SNX7: variants seen among roughly 807,000 people sequenced by gnomAD.
The protein encoded by SNX7 is sorting nexin-7.
Under a neutral mutation model 48.4 loss-of-function variants are expected in SNX7, and 35 were observed. The ratio of observed to expected loss-of-function variants is 0.72; its 90% CI spans 0.55 to 0.96. The LOEUF (loss-of-function observed/expected upper bound fraction) is 0.96, where lower values mean the gene tolerates loss of function less well. Among genes scored for constraint, SNX7 ranks in the 40% least tolerant of loss-of-function variants. SNX7 has a pLI of 0.00. For missense variants in SNX7, 553 were observed against 548.9 expected, an observed-to-expected ratio of 1.01 and a Z score of -0.07; for synonymous variants, 190 against 190.2, an observed-to-expected ratio of 1.00 and a Z score of 0.01.
intron 4 of SNX7, among the ~76,000 whole-genome samples, chr1:98,692,179 C>T (rs1651177183): frequency 6.6e-6 from 1 of 152,022 alleles, no homozygotes; most frequent in African/African-American, 2.4e-5. Flanking sequence ...TTAACTGTAA[C>T]ATAAACAGTT....
chr1:98,746,842 G>A lies in SNX7; in HGVS notation c.1278+8453G>A, dbSNP rs558987163. 3.9e-5 allele frequency among the ~76,000 whole-genome samples: 6 copies of A among 151,954 alleles called. No individual in the cohort carries two copies. The East Asian group carries it at 5.8e-4, about 15-fold the overall frequency. ...TGATAAGGTCCTGCTTTCACATTCC[G>A]GGAGGTAAATCTAAAATCTAACTAG... On this transcript the variant is annotated intron_variant, in intron 8 of 8. Coordinates refer to ENST00000306121, the MANE Select transcript of SNX7 (RefSeq NM_015976.5).
chr1:98,711,214 G>C (rs761325528), intron 7 of SNX7, among the ~76,000 whole-genome samples: 1 of 151,890 alleles, frequency 6.6e-6, no homozygotes, highest in Admixed American at 6.6e-5. Flanking sequence ...ACAGGGTTTC[G>C]CCATGTTGGC....
At chr1:98,755,307 C>T (rs955826660) in intron 8 of SNX7, among the ~76,000 whole-genome samples, 9 of 151,806 alleles carry the variant, frequency 5.9e-5, no homozygotes, top group South Asian at 2.1e-4. Context: ...GTTAGGCAAA[C>T]TTGATTGATA....
At chr1:98,691,416 T>C in intron 3 of SNX7, 119 bp from the exon 4 acceptor site, 2 of 922,994 alleles carry the variant, frequency 2.2e-6, no homozygotes, top group Non-Finnish European at 3.0e-6. Flanking sequence ...TTTTTAAAAA[T>C]TATTTTTATA....
At chr1:98,753,009 A>T (rs963873838) in intron 8 of SNX7, among the ~76,000 whole-genome samples, 1 of 152,010 alleles carries the variant, frequency 6.6e-6, no homozygotes, top group African/African-American at 2.4e-5. Context: ...CCATTTGTTA[A>T]TGGATAAATA....
chr1:98,686,626 A>G (rs1650815081), intron 2 of SNX7, among the ~76,000 whole-genome samples: 1 of 152,148 alleles, frequency 6.6e-6, no homozygotes, highest in Non-Finnish European at 1.5e-5. Flanking sequence ...CTATATCAAG[A>G]TGTGGTAGAG....
chr1:98,693,356 A>G (rs1405336071), intron 4 of SNX7, among the ~76,000 whole-genome samples: 6 of 152,232 alleles, frequency 3.9e-5, no homozygotes, highest in Admixed American at 3.9e-4. Context: ...AGACAGGACA[A>G]AGGGTCAATA....
At chr1:98,707,763 T>A (rs1267588877) in intron 7 of SNX7, among the ~76,000 whole-genome samples, 10 of 152,192 alleles carry the variant, frequency 6.6e-5, no homozygotes, top group Admixed American at 4.6e-4. Context: ...TATATTTATG[T>A]GAGCAAAGAA....
At chr1:98,695,417 A>G in intron 4 of SNX7, 101 bp from the exon 5 acceptor site, 12 of 1,158,746 alleles carry the variant, frequency 1.0e-5, no homozygotes, top group Non-Finnish European at 1.5e-5. Context: ...CTATGAAACC[A>G]TTTTATCTTG....
At chr1:98,731,412 G>C (rs1291407459) in intron 7 of SNX7, among the ~76,000 whole-genome samples, 4 of 152,022 alleles carry the variant, frequency 2.6e-5, no homozygotes, top group Non-Finnish European at 2.9e-5. Context: ...AGTTTTCTTG[G>C]TGAGCATGAG....
rs565668009 is a variant in SNX7, at chr1:98,746,442, T to C, written c.1278+8053T>C. On this transcript the variant is annotated intron_variant, in intron 8 of 8. Transcript: ENST00000306121. ...AATGCATCTTAGCCTGTTTTAAGTT[T>C]CTAAGAAATTCTTAGGAAAGAAACC... 2.6e-5 allele frequency among the ~76,000 whole-genome samples: 4 copies of C among 152,200 alleles called. No homozygotes were observed. The East Asian group carries it at 7.7e-4, about 29-fold the overall frequency.
chr1:98,688,306 C>T (rs1276935716), intron 2 of SNX7, among the ~76,000 whole-genome samples: 1 of 152,100 alleles, frequency 6.6e-6, no homozygotes, highest in Non-Finnish European at 1.5e-5. Context: ...ACATTTGTGG[C>T]ATCTGTTCTT....
chr1:98,699,084 G>A (rs546631948), intron 6 of SNX7, among the ~76,000 whole-genome samples, 179 bp downstream of exon 6: 24 of 152,224 alleles, frequency 1.6e-4, no homozygotes, highest in South Asian at 8.3e-4. Context: ...GAAAGAATCC[G>A]TTGTTAAAAA....
At chr1:98,711,249 C>T (rs1652289453) in intron 7 of SNX7, among the ~76,000 whole-genome samples, 1 of 152,104 alleles carries the variant, frequency 6.6e-6, no homozygotes, top group Non-Finnish European at 1.5e-5. Flanking sequence ...AACTCCTGAC[C>T]TCAAGTGATC....
In SNX7 at chr1:98,662,880, T is replaced by G. The variant is rs115226485; in HGVS notation, c.180+969T>G. ...GGGAGAGCAAACCAAAGTTAGGAAG[T>G]GACCATGCATACTCTGACTCCAAAG... On this transcript the variant is annotated intron_variant, in intron 1 of 8. Coordinates refer to ENST00000306121, the MANE Select transcript of SNX7 (RefSeq NM_015976.5). The G allele has an allele frequency of 9.2e-5, 117 of 1,274,686 alleles. No homozygotes were observed. In the African/African-American group the frequency reaches 1.6e-3, roughly 17 times the overall value. 79.0% of individuals were successfully genotyped at this position (1,274,686 alleles called of 1,614,324 possible). A position where few individuals can be genotyped will look rare whatever the true frequency, so the allele number is the denominator to read the frequency against.
intron 4 of SNX7, among the ~76,000 whole-genome samples, chr1:98,692,665 T>C (rs531659264): frequency 6.6e-6 from 1 of 152,246 alleles, no homozygotes; most frequent in Non-Finnish European, 1.5e-5. Flanking sequence ...TAAGCAGATA[T>C]TCACAACACT....
At chr1:98,693,486 T>C (rs1436376342) in intron 4 of SNX7, among the ~76,000 whole-genome samples, 3 of 152,204 alleles carry the variant, frequency 2.0e-5, no homozygotes, top group Non-Finnish European at 2.9e-5. Context: ...CTTTGTGACT[T>C]ATGTGAAATG....
upstream of SNX7, chr1:98,661,631 G>C (rs1570470292): frequency 9.5e-7 from 1 of 1,054,740 alleles, no homozygotes; most frequent in Non-Finnish European, 1.2e-6. Flanking sequence ...GCTGGAGCGG[G>C]GCCGGCCGGG....
chr1:98,718,279 T>C (rs1400336864), intron 7 of SNX7, among the ~76,000 whole-genome samples: 1 of 152,114 alleles, frequency 6.6e-6, no homozygotes, highest in African/African-American at 2.4e-5. Flanking sequence ...TACATTAATA[T>C]AGAAATAACA....
Sources: gnomAD v4.1 joint callset for allele counts (sites outside exome capture counted in the v4.1 genomes callset) on GRCh38, gnomAD v4.1.1 for gene constraint, MANE v1.5 for transcripts, NCBI Gene and HGNC (gene_info 2026-07-23, HGNC 2026-07-21) for gene names.